CTTNBP2: variants seen among roughly 807,000 people sequenced by gnomAD.
CTTNBP2 encodes cortactin-binding protein 2.
In CTTNBP2, 108 loss-of-function variants were observed where a neutral mutation model predicts 156.9. That is an observed-to-expected ratio of 0.69 (90% confidence interval 0.59 to 0.81). The LOEUF is 0.81. Ranked by LOEUF, CTTNBP2 falls within the 30% of genes least tolerant of loss-of-function variation. CTTNBP2 has a pLI of 0.00. For missense variants in CTTNBP2, 1,924 were observed against 2,035.4 expected (o/e 0.95, Z 1.05); for synonymous variants, 767 against 751.8 (o/e 1.02, Z -0.33).
intron 12 of CTTNBP2, among the ~76,000 whole-genome samples, chr7:117,748,151 A>G (rs1796436798): frequency 6.6e-6 from 1 of 152,158 alleles, no homozygotes; most frequent in Non-Finnish European, 1.5e-5. Flanking sequence ...CAGTAAGGCA[A>G]TGGGGCCACA....
At position 117,780,548 on chromosome 7, in the gene CTTNBP2, C is replaced by T. The variant is rs1798367004; in HGVS notation, c.2416G>A (p.Ala806Thr). 1 of 1,593,078 alleles carries T rather than the reference C, an allele frequency of 6.3e-7. No individual in the cohort carries two copies. The change falls in exon 7 of 23, where the codon GCT becomes ACT. Residue 806 changes from alanine (A) to threonine (T), a missense_variant. Ala to Thr is a moderately conservative substitution (Grantham distance 58). Transcript: ENST00000160373. ...AGAGGTGTCTGTCCTCCATCAGCAG[C>T]ATGATTAATGTTAGCATCATATGAA... ...LISYDANINH[A>T]ADGGQTPLYL...
At chr7:117,802,719 G>T (rs1312597999) in intron 3 of CTTNBP2, among the ~76,000 whole-genome samples, 4 of 152,050 alleles carry the variant, frequency 2.6e-5, no homozygotes, top group Non-Finnish European at 5.9e-5. Context: ...AAAAAGGTGG[G>T]CAAAGGACAT....
At chr7:117,758,282 G>C (rs1435284770) in intron 10 of CTTNBP2, among the ~76,000 whole-genome samples, 1 of 152,106 alleles carries the variant, frequency 6.6e-6, no homozygotes. Flanking sequence ...GAACAAGGCT[G>C]TCCATAATCT....
At chr7:117,820,217 A>G (rs972924827) in intron 2 of CTTNBP2, among the ~76,000 whole-genome samples, 1 of 152,204 alleles carries the variant, frequency 6.6e-6, no homozygotes, top group African/African-American at 2.4e-5. Context: ...CTATTAAATT[A>G]TCAGTGCACA....
At chr7:117,864,717 C>CAT (rs1445114010) in intron 1 of CTTNBP2, among the ~76,000 whole-genome samples, 1 of 113,820 alleles carries the variant, frequency 8.8e-6, no homozygotes, top group Non-Finnish European at 2.0e-5. Flanking sequence ...CATATATATT[C>CAT]ATATATACAT....
At chr7:117,845,539 A>G (rs1344730827) in intron 2 of CTTNBP2, among the ~76,000 whole-genome samples, 3 of 152,266 alleles carry the variant, frequency 2.0e-5, no homozygotes, top group Non-Finnish European at 4.4e-5. Context: ...AAATAGCACA[A>G]CTATTAAAAT....
At chr7:117,759,596 C>G (rs1797076471) in intron 10 of CTTNBP2, among the ~76,000 whole-genome samples, 1 of 152,202 alleles carries the variant, frequency 6.6e-6, no homozygotes, top group Admixed American at 6.5e-5. Context: ...ACTTTTCCCT[C>G]AACCTTGGAC....
At chr7:117,737,642 C>T (rs185318290) in intron 14 of CTTNBP2, among the ~76,000 whole-genome samples, 12 of 152,202 alleles carry the variant, frequency 7.9e-5, no homozygotes, top group African/African-American at 2.9e-4. Context: ...GGCGTGATCT[C>T]GGCTCACTGC....
intron 3 of CTTNBP2, among the ~76,000 whole-genome samples, chr7:117,794,004 C>A (rs1358774999): frequency 2.0e-5 from 3 of 152,144 alleles, no homozygotes; most frequent in African/African-American, 7.2e-5. Context: ...CTGCCTGCAC[C>A]CCCCCTCACC....
chr7:117,728,626 G>A (rs932185408), intron 16 of CTTNBP2, among the ~76,000 whole-genome samples: 2 of 152,112 alleles, frequency 1.3e-5, no homozygotes, highest in African/African-American at 4.8e-5. Context: ...AGGTATAATT[G>A]ACAAAAATTA....
At chr7:117,730,873 A>G (rs867765906) in intron 16 of CTTNBP2, among the ~76,000 whole-genome samples, 2 of 152,142 alleles carry the variant, frequency 1.3e-5, no homozygotes, top group African/African-American at 4.8e-5. Flanking sequence ...AGAATTAAAT[A>G]TAATCAAACA....
chr7:117,727,041 T>C (rs1165974436), intron 17 of CTTNBP2, among the ~76,000 whole-genome samples: 1 of 151,878 alleles, frequency 6.6e-6, no homozygotes, highest in Non-Finnish European at 1.5e-5. Flanking sequence ...AAAAAGACTT[T>C]AATTTAACTG....
At position 117,778,359 on chromosome 7, in the gene CTTNBP2, G is replaced by T. The variant is rs574407824; in HGVS notation, c.2524-594C>A. Among the ~76,000 whole-genome samples the T allele has an allele frequency of 9.9e-5, 15 of 152,278 alleles. No individual in the cohort carries two copies. The South Asian group carries it at 2.5e-3, about 25-fold the overall frequency. ...TGTTTTGTGACTGCAGAGGGATACT[G>T]ATCATTATAAGCTTAGAAAATGTTT... On this transcript the variant is annotated intron_variant, in intron 7 of 22. Transcript: ENST00000160373.
At chr7:117,724,488 G>A in intron 19 of CTTNBP2, 59 bp downstream of exon 19, 1 of 1,423,066 alleles carries the variant, frequency 7.0e-7, no homozygotes, top group South Asian at 1.4e-5. Context: ...TTTGCTTTCA[G>A]ACACTGGATC....
chr7:117,818,722 A>C (rs2117012988), intron 2 of CTTNBP2, among the ~76,000 whole-genome samples: 1 of 152,350 alleles, frequency 6.6e-6, no homozygotes, highest in Middle Eastern at 3.4e-3. Context: ...GAGGAAGAGC[A>C]GAAAGAACTA....
chr7:117,833,521 T>C (rs1274613401), intron 2 of CTTNBP2, among the ~76,000 whole-genome samples: 2 of 152,220 alleles, frequency 1.3e-5, no homozygotes, highest in Non-Finnish European at 2.9e-5. Flanking sequence ...GTACAGCTGG[T>C]GAGCTGCATC....
chr7:117,852,509 ATGT>A (rs1802994910), intron 2 of CTTNBP2, among the ~76,000 whole-genome samples: 1 of 152,140 alleles, frequency 6.6e-6, no homozygotes, highest in African/African-American at 2.4e-5. Flanking sequence ...GTGCACCAGC[ATGT>A]TCTCTCTCAT....
chr7:117,735,915 AGAG>A (rs1795662813), intron 14 of CTTNBP2, among the ~76,000 whole-genome samples: 1 of 152,226 alleles, frequency 6.6e-6, no homozygotes, highest in African/African-American at 2.4e-5. Context: ...TTATCATGAA[AGAG>A]TAGTGGTTAC....
intron 9 of CTTNBP2, 135 bp downstream of exon 9, chr7:117,766,924 C>G (rs1421454753): frequency 3.2e-6 from 2 of 628,846 alleles, no homozygotes; most frequent in African/African-American, 1.8e-5. Flanking sequence ...CACTTACAGT[C>G]AGTATTTTTG....
Sources: allele counts gnomAD v4.1 joint callset (sites outside exome capture counted in the v4.1 genomes callset), GRCh38; gene constraint gnomAD v4.1.1; transcripts MANE v1.5; gene names NCBI Gene and HGNC (gene_info 2026-07-23, HGNC 2026-07-21).